ZSWIM5: variants seen among roughly 807,000 people sequenced by gnomAD.
The protein encoded by ZSWIM5 is zinc finger SWIM-type containing 5.
ZSWIM5 carries 55 observed loss-of-function variants against 119.6 expected under a neutral mutation model. The ratio of observed to expected loss-of-function variants is 0.46; its 90% CI spans 0.37 to 0.58. The LOEUF (loss-of-function observed/expected upper bound fraction) is 0.58, where lower values mean the gene tolerates loss of function less well. Among genes scored for constraint, ZSWIM5 ranks in the 20% least tolerant of loss-of-function variants. The probability of loss-of-function intolerance (pLI) is 0.00; values close to 1 mark genes in which losing one functional copy is unlikely to be tolerated. For missense variants in ZSWIM5, 1,193 were observed against 1,512.8 expected (o/e 0.79, Z 3.51); for synonymous variants, 537 against 606.9 (o/e 0.88, Z 1.69).
intron 5 of ZSWIM5, among the ~76,000 whole-genome samples, chr1:45,044,870 G>A (rs1310132413): frequency 9.0e-6 from 1 of 110,694 alleles, no homozygotes; most frequent in African/African-American, 3.5e-5. Context: ...GCATGGTGGC[G>A]TGGCCTGTAT....
chr1:45,081,261 CTCTCCCTCTCCCTCTCCCCATGG>C (rs1298698766), intron 2 of ZSWIM5, among the ~76,000 whole-genome samples: 165 of 151,216 alleles, frequency 1.1e-3, no homozygotes, highest in African/African-American at 3.5e-3. Flanking sequence ...CTCCCTCTCC[CTCTCCCTCTCCCTCTCCCCATGG>C]TCTCCCTCTC....
At chr1:45,186,658 T>G (rs944252123) in intron 1 of ZSWIM5, among the ~76,000 whole-genome samples, 12 of 152,118 alleles carry the variant, frequency 7.9e-5, no homozygotes, top group African/African-American at 2.4e-4. Context: ...GAGGCTAGAG[T>G]GCAGTGGCAT....
rs571588382 is a variant in ZSWIM5, at chr1:45,034,194, T to G, written c.2449+118A>C. 5.1e-5 allele frequency: 64 copies of G among 1,243,072 alleles called. No individual in the cohort carries two copies. In the Middle Eastern group the frequency reaches 1.5e-3, roughly 30 times the overall value. The allele number at this position is 1,243,072 out of a possible 1,614,324, so 77.0% of individuals were successfully genotyped here. A position where few individuals can be genotyped will look rare whatever the true frequency, so the allele number is the denominator to read the frequency against. On this transcript the variant is annotated intron_variant, in intron 11 of 13. Coordinates refer to ENST00000359600, the MANE Select transcript of ZSWIM5 (RefSeq NM_020883.2). ...GCAGCAATCAAAGTGAGGACCACTA[T>G]CACTCTAAATGGTCAAGGAGCTTCT...
At chr1:45,046,458 A>G (rs1006334730) in intron 5 of ZSWIM5, among the ~76,000 whole-genome samples, 1 of 152,160 alleles carries the variant, frequency 6.6e-6, no homozygotes, top group Non-Finnish European at 1.5e-5. Context: ...GAATGACTCC[A>G]AGGTTTTTAA....
At chr1:45,176,259 C>A (rs770265694) in intron 1 of ZSWIM5, among the ~76,000 whole-genome samples, 17 of 151,398 alleles carry the variant, frequency 1.1e-4, no homozygotes, top group Non-Finnish European at 1.2e-4. Context: ...TGGTCTTTAT[C>A]TTTTCTTATC....
intron 1 of ZSWIM5, among the ~76,000 whole-genome samples, chr1:45,200,942 C>A (rs1646154502): frequency 6.6e-6 from 1 of 152,114 alleles, no homozygotes; most frequent in South Asian, 2.1e-4. Flanking sequence ...AGAACATAAC[C>A]TCAGTCCCTC....
intron 1 of ZSWIM5, among the ~76,000 whole-genome samples, chr1:45,131,796 C>CTAT (rs1007346592): frequency 2.0e-5 from 3 of 148,102 alleles, no homozygotes; most frequent in African/African-American, 7.4e-5. Flanking sequence ...AAAGGTAGTA[C>CTAT]TATTATTATT....
chr1:45,086,813 A>G (rs1220897938), intron 2 of ZSWIM5, among the ~76,000 whole-genome samples: 1 of 152,072 alleles, frequency 6.6e-6, no homozygotes, highest in Non-Finnish European at 1.5e-5. Context: ...AGTCCTTTGC[A>G]TGATGCTTGG....
intron 1 of ZSWIM5, among the ~76,000 whole-genome samples, chr1:45,116,806 TA>T (rs1205518906): frequency 1.3e-5 from 2 of 152,152 alleles, no homozygotes; most frequent in Non-Finnish European, 2.9e-5. Flanking sequence ...ATTGGCAACA[TA>T]AAGAATTCCA....
chr1:45,139,693 G>GTT, intron 1 of ZSWIM5, among the ~76,000 whole-genome samples: 1 of 127,318 alleles, frequency 7.9e-6, no homozygotes, highest in African/African-American at 2.9e-5. Flanking sequence ...TGCTTTCTTC[G>GTT]ATTTTTTTTT....
chr1:45,137,705 TGATTGGTGCAG>T (rs1159319416), intron 1 of ZSWIM5, among the ~76,000 whole-genome samples: 1 of 152,112 alleles, frequency 6.6e-6, no homozygotes, highest in Non-Finnish European at 1.5e-5. Flanking sequence ...GAGGACATTA[TGATTGGTGCAG>T]GATGAGCTAG....
intron 12 of ZSWIM5, 74 bp downstream of exon 12, chr1:45,020,551 C>A: frequency 1.3e-6 from 2 of 1,542,562 alleles, no homozygotes; most frequent in Non-Finnish European, 8.8e-7. Flanking sequence ...CCCAGTCTCC[C>A]AGAGATCTTA....
rs1646190725 is a variant in ZSWIM5 at position 45,206,278 on chromosome 1, A to G, written c.73T>C (p.Trp25Arg). 4 of 1,579,158 alleles carry G rather than the reference A, an allele frequency of 2.5e-6. No homozygotes were observed. Among genetic ancestry groups the G allele is most frequent in the Non-Finnish European group, 3.4e-6 (4 of 1,164,144 alleles). Residue 25 changes from tryptophan to arginine, a missense_variant, in exon 1 of 14, where the codon TGG (tryptophan) becomes CGG (arginine). Around this residue, in one of 2 missense-constraint regions of ZSWIM5, gnomAD observed 232 missense variants for 222.9 expected, o/e 1.04. Coordinates refer to ENST00000359600, the MANE Select transcript of ZSWIM5 (RefSeq NM_020883.2). Reference sequence around the variant, plus strand: ...GGGTGATGAGCCTGCGGGCTGGGCCACGAACACTGCCGCTTAGCCGGAGAG... The same window carrying G: ...GGGTGATGAGCCTGCGGGCTGGGCCGCGAACACTGCCGCTTAGCCGGAGAG... ...PVSPAKRQCS[W>R]PSPQAHHPRG...
chr1:45,113,813 C>A (rs1570112820), intron 1 of ZSWIM5, among the ~76,000 whole-genome samples: 5 of 152,186 alleles, frequency 3.3e-5, no homozygotes, highest in Admixed American at 3.3e-4. Flanking sequence ...CTCAATTTGT[C>A]CCAAACTGAA....
intron 1 of ZSWIM5, among the ~76,000 whole-genome samples, chr1:45,123,740 C>G (rs1645606154): frequency 6.6e-6 from 1 of 152,088 alleles, no homozygotes; most frequent in Admixed American, 6.6e-5. Context: ...AGACATAAAG[C>G]TACAGATTCA....
At chr1:45,136,955 C>T (rs1461776562) in intron 1 of ZSWIM5, among the ~76,000 whole-genome samples, 1 of 152,160 alleles carries the variant, frequency 6.6e-6, no homozygotes, top group Non-Finnish European at 1.5e-5. Context: ...CTTATCCTTG[C>T]TAATTTTGTA....
rs1186534857 is a variant in ZSWIM5 at position 45,122,821 on chromosome 1, A to G, written c.596-34584T>C. On this transcript the variant is annotated intron_variant, in intron 1 of 13. Coordinates refer to ENST00000359600, the MANE Select transcript of ZSWIM5 (RefSeq NM_020883.2). ...CAGACAAACAGCACAGAGAACACTG[A>G]AACCAAACCCCCACCAAGGCTGAGT... Among the ~76,000 whole-genome samples, 3 of 152,230 alleles carry G rather than the reference A, an allele frequency of 2.0e-5. No homozygotes were observed. The East Asian group carries it at 5.8e-4, about 29-fold the overall frequency.
chr1:45,129,143 C>T (rs115840125), intron 1 of ZSWIM5, among the ~76,000 whole-genome samples: 2,934 of 148,154 alleles, frequency 0.02, 110 homozygotes, highest in African/African-American at 0.069. Flanking sequence ...CTTTTCCTCA[C>T]ATACATCTTG....
chr1:45,203,269 A>G (rs1376903632), intron 1 of ZSWIM5, among the ~76,000 whole-genome samples: 1 of 152,026 alleles, frequency 6.6e-6, no homozygotes, highest in East Asian at 1.9e-4. Context: ...AAGTAATTAG[A>G]AATTACAGAA....
Sources: allele counts gnomAD v4.1 joint callset (sites outside exome capture counted in the v4.1 genomes callset), GRCh38; gene constraint gnomAD v4.1.1; regional missense constraint gnomAD v4.1.1; transcripts MANE v1.5; gene names NCBI Gene and HGNC (gene_info 2026-07-23, HGNC 2026-07-21).